AMD1: variants seen among roughly 807,000 people sequenced by gnomAD.
AMD1 encodes adenosylmethionine decarboxylase 1.
In AMD1, 11 loss-of-function variants were observed where a neutral mutation model predicts 40.2. The ratio of observed to expected loss-of-function variants is 0.27; its 90% CI spans 0.17 to 0.45. The LOEUF (loss-of-function observed/expected upper bound fraction) is 0.45, where lower values mean the gene tolerates loss of function less well. AMD1 is among the 20% of genes least tolerant of loss of function. The probability of loss-of-function intolerance (pLI) is 1.00; values close to 1 mark genes in which losing one functional copy is unlikely to be tolerated. For missense variants in AMD1, 257 were observed against 410.2 expected (o/e 0.63, Z 3.23); for synonymous variants, 121 against 130.8 (o/e 0.93, Z 0.51).
the AMD1 span, among the ~76,000 whole-genome samples, chr6:110,829,650 C>G: frequency 3.3e-5 from 5 of 151,788 alleles, no homozygotes; most frequent in Admixed American, 1.3e-4. Context: ...GCCTGGGCGA[C>G]AGAGGGAGAC....
intron 1 of AMD1, among the ~76,000 whole-genome samples, chr6:110,879,472 A>G (rs529185262): frequency 2.0e-3 from 306 of 152,300 alleles, no homozygotes; most frequent in African/African-American, 6.8e-3. Context: ...AGATAGAGAA[A>G]CAATAATGTG....
the AMD1 span, among the ~76,000 whole-genome samples, chr6:110,847,714 TGTTTTTTG>T: frequency 3.5e-5 from 5 of 142,686 alleles, no homozygotes; most frequent in African/African-American, 1.3e-4. Flanking sequence ...TTTTGTTTTT[TGTTTTTTG>T]TTTTTTTGAG....
At chr6:110,824,155 A>G in the AMD1 span, among the ~76,000 whole-genome samples, 1 of 152,224 alleles carries the variant, frequency 6.6e-6, no homozygotes, top group African/African-American at 2.4e-5. Flanking sequence ...TTACAAAGAT[A>G]TGGAACCAAC....
the AMD1 span, among the ~76,000 whole-genome samples, chr6:110,859,398 C>T: frequency 6.6e-6 from 1 of 151,996 alleles, no homozygotes; most frequent in African/African-American, 2.4e-5. Context: ...CCTGCTGGCA[C>T]GTCCAGGCTG....
At chr6:110,815,345 C>T in the AMD1 span, 1 of 426,706 alleles carries the variant, frequency 2.3e-6, no homozygotes, top group Non-Finnish European at 4.0e-6. Flanking sequence ...TCTTCCTCCT[C>T]CTCCTCCGCG....
chr6:110,814,907 C>A, the AMD1 span: 4 of 1,511,192 alleles, frequency 2.6e-6, no homozygotes, highest in Non-Finnish European at 3.6e-6. Context: ...CTCCGCCTCG[C>A]CCCTCGGGCA....
At chr6:110,824,579 A>T in the AMD1 span, among the ~76,000 whole-genome samples, 2 of 152,234 alleles carry the variant, frequency 1.3e-5, no homozygotes, top group African/African-American at 4.8e-5. Flanking sequence ...TGAAATTTTT[A>T]AAATGTATGT....
At chr6:110,830,746 C>G in the AMD1 span, among the ~76,000 whole-genome samples, 2 of 152,094 alleles carry the variant, frequency 1.3e-5, no homozygotes, top group Admixed American at 6.6e-5. Flanking sequence ...CTTTCCTGGG[C>G]AAAGACAAGA....
At chr6:110,828,095 T>A in the AMD1 span, among the ~76,000 whole-genome samples, 1 of 152,152 alleles carries the variant, frequency 6.6e-6, no homozygotes, top group African/African-American at 2.4e-5. Flanking sequence ...TTAATTTTTA[T>A]TCAGAAAAGA....
At chr6:110,835,636 C>A in the AMD1 span, among the ~76,000 whole-genome samples, 1 of 151,982 alleles carries the variant, frequency 6.6e-6, no homozygotes, top group Non-Finnish European at 1.5e-5. Context: ...GAGGCCAAGG[C>A]GGGCAGATCA....
chr6:110,814,871 G>C, the AMD1 span: 6 of 1,150,954 alleles, frequency 5.2e-6, no homozygotes, highest in African/African-American at 8.0e-5. Flanking sequence ...CTCGGAGTCG[G>C]TGTCCGGACG....
chr6:110,830,303 C>T, the AMD1 span, among the ~76,000 whole-genome samples: 18 of 152,070 alleles, frequency 1.2e-4, no homozygotes, highest in South Asian at 4.1e-4. Context: ...CATGAGCCAC[C>T]GTGCCCGGCC....
chr6:110,818,775 T>A, the AMD1 span, among the ~76,000 whole-genome samples: 1 of 152,220 alleles, frequency 6.6e-6, no homozygotes, highest in East Asian at 1.9e-4. Context: ...TGGCATCAAG[T>A]GATCCGCCCA....
the AMD1 span, among the ~76,000 whole-genome samples, chr6:110,825,650 A>G: frequency 1.3e-5 from 2 of 152,202 alleles, no homozygotes; most frequent in South Asian, 4.1e-4. Context: ...ACAGTTATCT[A>G]GTCAATCAGA....
At chr6:110,831,863 A>C in the AMD1 span, among the ~76,000 whole-genome samples, 1 of 151,820 alleles carries the variant, frequency 6.6e-6, no homozygotes, top group African/African-American at 2.4e-5. Context: ...ATTTTTTTTT[A>C]GACAGGGTCA....
Position 110,893,488 on chromosome 6 carries a change from C to T in AMD1, c.877C>T (p.Arg293Cys), listed in dbSNP as rs1349798699. The T allele has an allele frequency of 7.4e-6, 12 of 1,613,750 alleles. No homozygotes were observed. Among genetic ancestry groups the T allele is most frequent in the Admixed American group, 3.3e-5 (2 of 59,982 alleles). The change falls in exon 9 of 9, where the codon CGC becomes TGC. Residue 293 changes from arginine to cysteine, a missense_variant. By Grantham distance (180) the Arg-to-Cys change is radical. Transcript: ENST00000368885. The part of the protein sequence containing the change: ...TLFVNQSSKC[R>C]TVLASPQKIE... ...TTTTTTCCCCCAGAGTTCTAAATGT[C>T]GCACAGTGCTTGCTTCGCCCCAGAA... is the stretch of plus-strand genomic sequence containing the variant.
At chr6:110,838,094 A>G in the AMD1 span, among the ~76,000 whole-genome samples, 1 of 150,536 alleles carries the variant, frequency 6.6e-6, no homozygotes, top group Non-Finnish European at 1.5e-5. Flanking sequence ...CCTCTGATAC[A>G]TGAAAGTTTT....
At chr6:110,868,957 G>A in the AMD1 span, among the ~76,000 whole-genome samples, 1 of 151,668 alleles carries the variant, frequency 6.6e-6, no homozygotes, top group Non-Finnish European at 1.5e-5. Context: ...CTACTCGGGA[G>A]GCTGAAGCAG....
At chr6:110,877,434 G>C (rs1224638364) in intron 1 of AMD1, among the ~76,000 whole-genome samples, 1 of 152,262 alleles carries the variant, frequency 6.6e-6, no homozygotes, top group Non-Finnish European at 1.5e-5. Flanking sequence ...AGCAAAGAGA[G>C]TATCATGGAC....
Sources: gnomAD v4.1 joint callset for allele counts (sites outside exome capture counted in the v4.1 genomes callset) on GRCh38, gnomAD v4.1.1 for gene constraint, MANE v1.5 for transcripts, NCBI Gene and HGNC (gene_info 2026-07-23, HGNC 2026-07-21) for gene names.